The following PRMT8 variants were observed in gnomAD, a reference collection of about 807,000 sequenced individuals.
PRMT8 encodes the protein protein arginine N-methyltransferase 8.
In PRMT8, 7 loss-of-function variants were observed where a neutral mutation model predicts 47.1. The ratio of observed to expected loss-of-function variants is 0.15; its 90% confidence interval spans 0.08 to 0.28. The LOEUF is 0.28. Among genes scored for constraint, PRMT8 ranks in the 10% least tolerant of loss-of-function variants. The pLI is 1.00. For synonymous variants in PRMT8, 188 were observed against 186.5 expected, an observed-to-expected ratio of 1.01 and a Z score of -0.07; for missense variants, 237 against 505.4, an observed-to-expected ratio of 0.47 and a Z score of 5.09.
rs185957949 is a variant in PRMT8 at position 3,538,853 on chromosome 12, G to A, written c.76-1753G>A. Reference sequence around the variant, plus strand: ...CCCACTCGCCTTTGCCAGCCCGCCCGGGATCTCACCGACGTGAAATCTGAT... The same window carrying A: ...CCCACTCGCCTTTGCCAGCCCGCCCAGGATCTCACCGACGTGAAATCTGAT... On this transcript the variant is annotated intron_variant, in intron 1 of 9. Coordinates refer to ENST00000382622, the MANE Select transcript of PRMT8 (RefSeq NM_019854.5). The surrounding 1 kb of genome is among the most constrained non-coding windows in gnomAD (Gnocchi z 4.6). The A allele has an allele frequency of 4.7e-4, 214 of 455,692 alleles. 1 individual carries two copies. Among genetic ancestry groups the A allele is most frequent in the Non-Finnish European group, 7.0e-4 (158 of 226,390 alleles). The allele number at this position is 455,692 out of a possible 1,614,324, so 28.2% of individuals were successfully genotyped here.
intron 1 of PRMT8, among the ~76,000 whole-genome samples, chr12:3,406,506 A>G (rs1426499795): frequency 6.6e-6 from 1 of 152,194 alleles, no homozygotes; most frequent in African/African-American, 2.4e-5. Context: ...TTCCTCTTGA[A>G]TGCTTTGCCA....
At chr12:3,496,365 A>C (rs1865511429) in intron 1 of PRMT8, among the ~76,000 whole-genome samples, 1 of 150,770 alleles carries the variant, frequency 6.6e-6, no homozygotes, top group African/African-American at 2.4e-5. Context: ...GACTTCTTGC[A>C]TGGTGTATCT....
chr12:3,391,802 A>G (rs760285794), intron 1 of PRMT8, among the ~76,000 whole-genome samples: 1 of 152,214 alleles, frequency 6.6e-6, no homozygotes, highest in Non-Finnish European at 1.5e-5. Context: ...CATCAAATGA[A>G]TGAGCACATG....
intron 2 of PRMT8, among the ~76,000 whole-genome samples, chr12:3,542,474 G>T (rs1591593901): frequency 6.6e-6 from 1 of 152,210 alleles, no homozygotes; most frequent in South Asian, 2.1e-4. Context: ...ACTCTGCGAA[G>T]GCCCCTTCCT....
At position 3,550,154 on chromosome 12, in the gene PRMT8, C is replaced by A; in HGVS notation, c.417+63C>A. ...AGAGCCAGCCTCTTGCCCTCTGCCT[C>A]CACCCGCCCTTCTAGAAGTACAAAA... On this transcript the variant is annotated intron_variant, in intron 3 of 9. Transcript: ENST00000382622. This position sits in a 1 kb window ranked among gnomAD's most constrained non-coding sequence, Gnocchi z 5.1. 6.3e-7 allele frequency: 1 copy of A among 1,588,744 alleles called. No individual in the cohort carries two copies. Among genetic ancestry groups the A allele is most frequent in the Non-Finnish European group, 8.6e-7 (1 of 1,162,448 alleles).
Position 3,552,284 on chromosome 12 carries a change from G to A in PRMT8, c.418-1367G>A, listed in dbSNP as rs1357623469. 1 of 155,754 alleles carries A rather than the reference G, an allele frequency of 6.4e-6. No individual in the cohort carries two copies. The highest frequency in any genetic ancestry group is 6.4e-5 in the Admixed American group (1 of 15,662). The allele number at this position is 155,754 out of a possible 1,614,324, so 9.6% of individuals were successfully genotyped here. A position where few individuals can be genotyped will look rare whatever the true frequency, so the allele number is the denominator to read the frequency against. On this transcript the variant is annotated intron_variant, in intron 3 of 9. Transcript: ENST00000382622. The surrounding 1 kb of genome is among the most constrained non-coding windows in gnomAD (Gnocchi z 4.5). ...GGTAAAGAGAGAAGAGGGAAGAAAT[G>A]GAAGAGGAGAAGATGGAAGAAAGGA...
At chr12:3,383,511 G>A (rs1864111214) in intron 1 of PRMT8, among the ~76,000 whole-genome samples, 1 of 152,200 alleles carries the variant, frequency 6.6e-6, no homozygotes, top group Non-Finnish European at 1.5e-5. Context: ...CTGGGAGGCG[G>A]TTAGGTCATG....
intron 1 of PRMT8, among the ~76,000 whole-genome samples, chr12:3,415,524 T>C (rs1591542859): frequency 6.6e-6 from 1 of 152,296 alleles, no homozygotes; most frequent in East Asian, 1.9e-4. Context: ...CAGTCAATCA[T>C]TAGCATACAA....
chr12:3,441,407 G>T (rs1191464931), intron 1 of PRMT8, among the ~76,000 whole-genome samples: 1 of 152,166 alleles, frequency 6.6e-6, no homozygotes, highest in African/African-American at 2.4e-5. Context: ...CGCTGCCAGG[G>T]CTCCCCTTTT....
intron 1 of PRMT8, among the ~76,000 whole-genome samples, chr12:3,496,612 G>A (rs1017379146): frequency 5.9e-5 from 9 of 152,064 alleles, no homozygotes; most frequent in Admixed American, 2.0e-4. Flanking sequence ...TTGCTACATT[G>A]AGCAAGTTGC....
chr12:3,387,582 A>G (rs1852476318), intron 1 of PRMT8, among the ~76,000 whole-genome samples: 1 of 152,144 alleles, frequency 6.6e-6, no homozygotes, highest in Admixed American at 6.5e-5. Flanking sequence ...AATTATTTCA[A>G]TCAAATCAAG....
At chr12:3,384,941 C>T (rs1269765910) in intron 1 of PRMT8, among the ~76,000 whole-genome samples, 1 of 135,362 alleles carries the variant, frequency 7.4e-6, no homozygotes, top group Non-Finnish European at 1.5e-5. Flanking sequence ...TCAAACTTCC[C>T]CTGGGTGTGG....
At chr12:3,464,408 A>C (rs950358940) in intron 1 of PRMT8, among the ~76,000 whole-genome samples, 1 of 152,196 alleles carries the variant, frequency 6.6e-6, no homozygotes, top group East Asian at 1.9e-4. Flanking sequence ...TCAACTTGCT[A>C]TATAATTTGA....
intron 1 of PRMT8, among the ~76,000 whole-genome samples, chr12:3,412,172 C>A (rs957768270): frequency 6.6e-6 from 1 of 152,228 alleles, no homozygotes; most frequent in African/African-American, 2.4e-5. Context: ...CAGCATGTTA[C>A]TGTTCTCAAT....
chr12:3,464,377 T>C (rs112069246), intron 1 of PRMT8, among the ~76,000 whole-genome samples: 284 of 151,528 alleles, frequency 1.9e-3, no homozygotes, highest in Admixed American at 2.3e-3. Flanking sequence ...ACCCTGAAAA[T>C]AAAGCAGTGT....
chr12:3,434,806 A>T (rs1864719309), intron 1 of PRMT8, among the ~76,000 whole-genome samples: 1 of 151,366 alleles, frequency 6.6e-6, no homozygotes, highest in Non-Finnish European at 1.5e-5. Context: ...AAGAGTTTAC[A>T]TGAGGCTGCA....
chr12:3,405,106 A>T (rs2137053060), intron 1 of PRMT8, among the ~76,000 whole-genome samples: 1 of 152,324 alleles, frequency 6.6e-6, no homozygotes, highest in East Asian at 1.9e-4. Flanking sequence ...ACAGTTCAGC[A>T]TGGCTGGGGA....
chr12:3,386,565 C>T (rs1179693019), intron 1 of PRMT8, among the ~76,000 whole-genome samples: 4 of 152,094 alleles, frequency 2.6e-5, no homozygotes, highest in Admixed American at 2.6e-4. Context: ...TCTGTCTGCC[C>T]GTTTGTCCAT....
At chr12:3,420,615 A>G (rs1864531056) in intron 1 of PRMT8, among the ~76,000 whole-genome samples, 1 of 152,144 alleles carries the variant, frequency 6.6e-6, no homozygotes, top group Admixed American at 6.5e-5. Context: ...ATTCCAGTAG[A>G]GGCAGTGGGT....
Sources: gnomAD v4.1 joint callset for allele counts (sites outside exome capture counted in the v4.1 genomes callset) on GRCh38, gnomAD v4.1.1 for gene constraint, Gnocchi (gnomAD v3.1) non-coding constraint, MANE v1.5 for transcripts, NCBI Gene and HGNC (gene_info 2026-07-23, HGNC 2026-07-21) for gene names.